Variants in PID1 observed in about 807,000 individuals in gnomAD.
The protein encoded by PID1 is PTB-containing, cubilin and LRP1-interacting protein.
A neutral mutation model predicts 19.1 loss-of-function variants in PID1; 10 were observed. The observed-to-expected ratio is 0.52, with a 90% confidence interval of 0.32 to 0.89. The LOEUF (loss-of-function observed/expected upper bound fraction) is 0.89. Ranked by LOEUF, PID1 falls within the 40% of genes least tolerant of loss-of-function variation. The pLI, the probability that PID1 is intolerant of heterozygous loss-of-function variation, is 0.03. For missense variants in PID1, 248 were observed against 285.3 expected (o/e 0.87, Z 0.94); for synonymous variants, 130 against 116.0 (o/e 1.12, Z -0.78).
intron 1 of PID1, among the ~76,000 whole-genome samples, chr2:229,213,422 T>G (rs2106251418): frequency 6.6e-6 from 1 of 152,298 alleles, no homozygotes; most frequent in African/African-American, 2.4e-5. Flanking sequence ...GTTGGCTTTT[T>G]CCAATTAGGA....
At chr2:229,111,544 T>C (rs746133587) in intron 2 of PID1, among the ~76,000 whole-genome samples, 3 of 152,218 alleles carry the variant, frequency 2.0e-5, no homozygotes, top group Non-Finnish European at 4.4e-5. Context: ...GGGAAAGATA[T>C]GGGATTAAGG....
At chr2:229,228,178 C>T (rs1396546992) in intron 1 of PID1, 2 of 388,022 alleles carry the variant, frequency 5.2e-6, no homozygotes, top group African/African-American at 4.2e-5. Context: ...AAAACCGATA[C>T]AAGCAATTAT....
At chr2:229,192,000 ATTCC>A (rs763996651) in intron 1 of PID1, among the ~76,000 whole-genome samples, 2 of 152,192 alleles carry the variant, frequency 1.3e-5, no homozygotes, top group African/African-American at 2.4e-5. Context: ...AATTTATTTT[ATTCC>A]TTCCTTCCTT....
chr2:229,136,042 G>T (rs540144634), intron 2 of PID1, among the ~76,000 whole-genome samples: 2 of 152,104 alleles, frequency 1.3e-5, no homozygotes, highest in Admixed American at 1.3e-4. Context: ...TCTAAGTTTA[G>T]GTTACAAAAA....
intron 2 of PID1, among the ~76,000 whole-genome samples, chr2:229,043,252 T>A (rs1178486213): frequency 6.6e-6 from 1 of 152,146 alleles, no homozygotes; most frequent in Non-Finnish European, 1.5e-5. Context: ...GTGATCCACC[T>A]GCCTCGGCCT....
At chr2:229,118,885 G>A (rs897057390) in intron 2 of PID1, among the ~76,000 whole-genome samples, 3 of 152,108 alleles carry the variant, frequency 2.0e-5, no homozygotes, top group East Asian at 3.9e-4. Flanking sequence ...GTATAACTAC[G>A]AAAAGAAATC....
chr2:229,138,827 C>T (rs1689911195), intron 2 of PID1, among the ~76,000 whole-genome samples: 1 of 149,724 alleles, frequency 6.7e-6, no homozygotes, highest in Non-Finnish European at 1.5e-5. Context: ...ACCATCAGTG[C>T]TTTTGCTGGA....
chr2:229,207,903 G>A (rs1311138482), intron 1 of PID1, among the ~76,000 whole-genome samples: 1 of 152,028 alleles, frequency 6.6e-6, no homozygotes, highest in Non-Finnish European at 1.5e-5. Context: ...CTAACACTGT[G>A]TTGCCATTGA....
In PID1 at chr2:229,025,399, TC is replaced by T; in HGVS notation, c.*232del. ...AAAATAAGAGAGCCTAGAACCTTCC[TC>T]CCCATCCACACTCCCACCCTCCTCA... On this transcript the variant is annotated 3_prime_UTR_variant, in exon 3 of 3. Transcript: ENST00000392055. 1.8e-6 allele frequency: 1 copy of T among 544,992 alleles called. No individual in the cohort carries two copies. The highest frequency in any genetic ancestry group is 3.3e-6 in the Non-Finnish European group (1 of 304,994). 33.8% of individuals were successfully genotyped at this position (544,992 alleles called of 1,614,324 possible).
chr2:229,122,629 C>A (rs1467979273), intron 2 of PID1, among the ~76,000 whole-genome samples: 1 of 152,102 alleles, frequency 6.6e-6, no homozygotes, highest in Non-Finnish European at 1.5e-5. Context: ...AAGCAGGTAG[C>A]CAGCATTTGT....
chr2:229,093,267 G>A (rs1362757684), intron 2 of PID1, among the ~76,000 whole-genome samples: 1 of 151,906 alleles, frequency 6.6e-6, no homozygotes, highest in African/African-American at 2.4e-5. Flanking sequence ...GAGACCACAG[G>A]TGCATGCCAC....
intron 2 of PID1, among the ~76,000 whole-genome samples, chr2:229,096,323 G>A (rs540909513): frequency 6.6e-6 from 1 of 152,280 alleles, no homozygotes; most frequent in South Asian, 2.1e-4. Context: ...CTAAGTAGAT[G>A]TATGCCACTT....
chr2:229,254,993 G>A (rs920560581), intron 1 of PID1, among the ~76,000 whole-genome samples: 1 of 152,218 alleles, frequency 6.6e-6, no homozygotes, highest in Non-Finnish European at 1.5e-5. Flanking sequence ...TTCGAGGAGA[G>A]AGAGTATGCA....
intron 1 of PID1, among the ~76,000 whole-genome samples, chr2:229,236,977 TACACACACATAC>T (rs1298997471): frequency 0.096 from 5,468 of 56,678 alleles, 335 homozygotes; most frequent in African/African-American, 0.27. Flanking sequence ...CCTTCTCCTT[TACACACACATAC>T]ACACACACAC....
intron 1 of PID1, among the ~76,000 whole-genome samples, chr2:229,207,304 T>C (rs975051215): frequency 6.6e-6 from 1 of 151,902 alleles, no homozygotes; most frequent in Admixed American, 6.6e-5. Flanking sequence ...AATAAAACCA[T>C]GAGGCCATAA....
At chr2:229,103,027 G>A (rs1656260050) in intron 2 of PID1, among the ~76,000 whole-genome samples, 1 of 152,216 alleles carries the variant, frequency 6.6e-6, no homozygotes, top group Non-Finnish European at 1.5e-5. Context: ...GGAGAATAAG[G>A]CTTGCTCATC....
chr2:229,239,215 G>C (rs981980692), intron 1 of PID1, among the ~76,000 whole-genome samples: 8 of 152,138 alleles, frequency 5.3e-5, no homozygotes, highest in Non-Finnish European at 1.0e-4. Flanking sequence ...GCTAGCGGGA[G>C]GGGCCAAGAA....
chr2:229,259,912 A>G (rs1690411437), intron 1 of PID1, among the ~76,000 whole-genome samples: 1 of 152,154 alleles, frequency 6.6e-6, no homozygotes, highest in Non-Finnish European at 1.5e-5. Context: ...TCTATGAATC[A>G]GAAACAGGCC....
At chr2:229,027,820 C>A (rs1264067875) in intron 2 of PID1, among the ~76,000 whole-genome samples, 3 of 152,172 alleles carry the variant, frequency 2.0e-5, no homozygotes, top group African/African-American at 7.2e-5. Context: ...TGTAAGAGGT[C>A]CACGACCTCT....
Sources: allele counts gnomAD v4.1 joint callset (sites outside exome capture counted in the v4.1 genomes callset), GRCh38; gene constraint gnomAD v4.1.1; transcripts MANE v1.5; gene names NCBI Gene and HGNC (gene_info 2026-07-23, HGNC 2026-07-21).